The following CCDC80 variants were observed in gnomAD, a reference collection of about 807,000 sequenced individuals.
CCDC80 encodes coiled-coil domain containing 80.
In CCDC80, 49 loss-of-function variants were observed where a neutral mutation model predicts 78.7. The ratio of observed to expected loss-of-function variants is 0.62; its 90% CI spans 0.50 to 0.79. The LOEUF is 0.79. Among genes scored for constraint, CCDC80 ranks in the 30% least tolerant of loss-of-function variants. The pLI, the probability that CCDC80 is intolerant of heterozygous loss-of-function variation, is 0.00. For missense variants in CCDC80, 1,205 were observed against 1,198.6 expected, an observed-to-expected ratio of 1.01 and a Z score of -0.08; for synonymous variants, 488 against 447.0, an observed-to-expected ratio of 1.09 and a Z score of -1.16.
At chr3:112,630,888 T>C (rs1304611984) in intron 2 of CCDC80, among the ~76,000 whole-genome samples, 2 of 152,162 alleles carry the variant, frequency 1.3e-5, no homozygotes, top group African/African-American at 2.4e-5. Context: ...TGTTTGTCTT[T>C]TGATATTGCA....
At chr3:112,608,317 G>T (rs1935554089) in intron 6 of CCDC80, among the ~76,000 whole-genome samples, 1 of 152,180 alleles carries the variant, frequency 6.6e-6, no homozygotes. Flanking sequence ...TACTTCTAAG[G>T]AGAAGCTAAA....
chr3:112,605,490 T>G lies in CCDC80; in HGVS notation c.2780A>C (p.His927Pro), dbSNP rs1379901866. 1.2e-6 allele frequency: 2 copies of G among 1,614,198 alleles called. 1 individual carries two copies. The highest frequency in any genetic ancestry group is 2.2e-5 in the South Asian group (2 of 91,084). Residue 927 changes from histidine to proline, a missense_variant, in exon 8 of 8, where the codon CAC becomes CCC. His to Pro is a moderately conservative substitution (Grantham distance 77). Transcript: ENST00000206423. ...CTGGTAACCATCCTGGTATCCTTGG[T>G]GGTAACTATGGTAACCATAGCCTGC... ...EYAGYGYHSY[H>P]QGYQDGYQDD...
Position 112,638,030 on chromosome 3 carries a change from G to A in CCDC80, c.1876C>T (p.Leu626Phe), listed in dbSNP as rs368208153. The A allele has an allele frequency of 1.3e-6, 2 of 1,596,930 alleles. No homozygotes were observed. The highest frequency in any genetic ancestry group is 2.7e-5 in the African/African-American group (2 of 73,610). The change falls in exon 2 of 8, where the codon CTT becomes TTT. Residue 626 changes from leucine to phenylalanine, a missense_variant and splice_region_variant. Coordinates refer to ENST00000206423, the MANE Select transcript of CCDC80 (RefSeq NM_199511.3). ...LGSFEGKRRL[L>F]LITAPKAENN... ...ATGCCAAGGAGAAGGCTACTTACAA[G>A]GAGTCTTCGTTTGCCTTCAAAGGAC...
Position 112,638,548 on chromosome 3 carries a change from G to A in CCDC80, c.1358C>T (p.Pro453Leu). 1 of 1,614,086 alleles carries A rather than the reference G, an allele frequency of 6.2e-7. No individual in the cohort carries two copies. The highest frequency in any genetic ancestry group is 1.1e-5 in the South Asian group (1 of 91,052). The change falls in exon 2 of 8, where the codon CCC becomes CTC. Residue 453 changes from proline to leucine, a missense_variant. By Grantham distance (98) the Pro-to-Leu change is moderately conservative. Coordinates refer to ENST00000206423, the MANE Select transcript of CCDC80 (RefSeq NM_199511.3). ...GCCTGGGCCAGCAGCCCTTGTGCTG[G>A]GTTCTGAGATGGTGGTGGGAGGGGC... ...TNAPPTTISEPSTRAAGPGRF... is the reference protein window; with the variant it reads ...TNAPPTTISELSTRAAGPGRF...
intron 3 of CCDC80, among the ~76,000 whole-genome samples, chr3:112,623,089 A>G (rs1456115432): frequency 6.6e-6 from 1 of 152,142 alleles, no homozygotes; most frequent in Admixed American, 6.5e-5. Context: ...AAGATTATTG[A>G]GGTGAGGGAT....
chr3:112,616,603 A>T, intron 5 of CCDC80, 107 bp downstream of exon 5: 1 of 1,299,472 alleles, frequency 7.7e-7, no homozygotes, highest in South Asian at 1.4e-5. Flanking sequence ...TCCAAGGAGG[A>T]TTACTCTCTG....
rs1429629164 is a variant in CCDC80 at position 112,601,146 on chromosome 3, G to T, written c.*4271C>A. The T allele has an allele frequency of 1.3e-5, 2 of 152,094 alleles. No individual in the cohort carries two copies. Among genetic ancestry groups the T allele is most frequent in the Admixed American group, 1.3e-4 (2 of 15,272 alleles). The allele number at this position is 152,094 out of a possible 1,614,324, so 9.4% of individuals were successfully genotyped here. ...ACCTGTAAAACAAGGAAGAATGAAT[G>T]GTCTTTATGGAAAATGAATGGCAGA... On this transcript the variant is annotated 3_prime_UTR_variant, in exon 8 of 8. Transcript: ENST00000206423.
rs529506518 is a variant in CCDC80 at position 112,602,302 on chromosome 3, G to T, written c.*3115C>A. ...TTCTCCTTCTTCTCAGGCCTCCTTA[G>T]TCCCTGAGACACAATATTGAAAGTA... On this transcript the variant is annotated 3_prime_UTR_variant, in exon 8 of 8. Transcript: ENST00000206423. The T allele has an allele frequency of 1.9e-4, 29 of 152,172 alleles. No individual in the cohort carries two copies. The highest frequency in any genetic ancestry group is 6.7e-4 in the African/African-American group (28 of 41,506). 9.4% of individuals were successfully genotyped at this position (152,172 alleles called of 1,614,324 possible).
At chr3:112,611,239 C>T (rs961870225) in intron 5 of CCDC80, among the ~76,000 whole-genome samples, 1 of 152,092 alleles carries the variant, frequency 6.6e-6, no homozygotes, top group Non-Finnish European at 1.5e-5. Context: ...TCAAAAACAG[C>T]AGTATGTTGT....
chr3:112,610,324 G>A, intron 5 of CCDC80: 1 of 501,602 alleles, frequency 2.0e-6, no homozygotes, highest in Non-Finnish European at 3.6e-6. Flanking sequence ...TCAAGCATGA[G>A]TCTGTGGTCA....
intron 3 of CCDC80, among the ~76,000 whole-genome samples, chr3:112,628,760 A>G (rs1936031541): frequency 6.6e-6 from 1 of 151,858 alleles, no homozygotes; most frequent in East Asian, 1.9e-4. Context: ...AATGTCTAAA[A>G]ATAAATCATC....
intron 2 of CCDC80, among the ~76,000 whole-genome samples, chr3:112,633,314 C>G (rs1393331485): frequency 6.6e-6 from 1 of 152,088 alleles, no homozygotes; most frequent in Non-Finnish European, 1.5e-5. Flanking sequence ...GAAACCTGCC[C>G]CCGCCCTTCT....
At chr3:112,619,780 G>T (rs1430525144) in intron 3 of CCDC80, among the ~76,000 whole-genome samples, 1 of 152,110 alleles carries the variant, frequency 6.6e-6, no homozygotes, top group Non-Finnish European at 1.5e-5. Context: ...AATTCAGAAT[G>T]GTTCCAGAAG....
chr3:112,639,872 G>A lies in CCDC80; in HGVS notation c.34C>T (p.Leu12=). 6.2e-7 allele frequency: 1 copy of A among 1,614,184 alleles called. No homozygotes were observed. The highest frequency in any genetic ancestry group is 8.5e-7 in the Non-Finnish European group (1 of 1,180,026). The change falls in exon 2 of 8, where the codon CTG becomes TTG. Residue 12 remains leucine (L), a synonymous_variant. Transcript: ENST00000206423. ...CCACACACTAGCCACATGGCCAACA[G>A]CATAGTGAAACGGGGTCCCATTCTC... ...TWRMGPRFTM[L]LAMWLVCGSE... is the part of the protein sequence containing the mutation.
chr3:112,634,571 G>T (rs1936167988), intron 2 of CCDC80, among the ~76,000 whole-genome samples: 1 of 152,190 alleles, frequency 6.6e-6, no homozygotes, highest in African/African-American at 2.4e-5. Flanking sequence ...GAAAGCCAGA[G>T]AATTGAGTGC....
chr3:112,607,495 G>C (rs1040422111), intron 6 of CCDC80, among the ~76,000 whole-genome samples: 1 of 152,164 alleles, frequency 6.6e-6, no homozygotes, highest in Non-Finnish European at 1.5e-5. Flanking sequence ...GAAAAGAAAA[G>C]ATGAAGCCAT....
rs1261563445 is a variant in CCDC80, at chr3:112,605,480, G to A, written c.2790C>T (p.Tyr930=). ...GYGYHSYHQG[Y]QDGYQDDYRH... Reference sequence around the variant, plus strand: ...GGTAGTCATCCTGGTAACCATCCTGGTATCCTTGGTGGTAACTATGGTAAC... The same window carrying A: ...GGTAGTCATCCTGGTAACCATCCTGATATCCTTGGTGGTAACTATGGTAAC... Residue 930 remains tyrosine, a synonymous_variant, in exon 8 of 8, where the codon TAC becomes TAT. Transcript: ENST00000206423. 3 of 1,614,108 alleles carry A rather than the reference G, an allele frequency of 1.9e-6. No individual in the cohort carries two copies. Among genetic ancestry groups the A allele is most frequent in the Non-Finnish European group, 1.7e-6 (2 of 1,179,980 alleles).
intron 2 of CCDC80, among the ~76,000 whole-genome samples, chr3:112,632,829 G>C (rs16859871): frequency 1.2e-4 from 19 of 152,110 alleles, no homozygotes; most frequent in Admixed American, 9.8e-4. Flanking sequence ...TCTAACTTCC[G>C]GCCCTCCACG....
In CCDC80 at chr3:112,619,089, A is replaced by G. The variant is rs1322711417; in HGVS notation, c.2051T>C (p.Met684Thr). 1 of 1,594,388 alleles carries G rather than the reference A, an allele frequency of 6.3e-7. No individual in the cohort carries two copies. The highest frequency in any genetic ancestry group is 2.2e-5 in the East Asian group (1 of 44,590). Residue 684 changes from methionine (M) to threonine (T), a missense_variant, in exon 4 of 8, where the codon ATG becomes ACG. Met to Thr is a moderately conservative substitution (Grantham distance 81). Coordinates refer to ENST00000206423, the MANE Select transcript of CCDC80 (RefSeq NM_199511.3). ...CAAGTCTTCATCATCCACCACTCGC[A>G]TGGGCTTCTCATTATCTTAAGGGAA... ...DHFQLDNEKP[M>T]RVVDDEDLVD...
Sources: gnomAD v4.1 joint callset for allele counts (sites outside exome capture counted in the v4.1 genomes callset) on GRCh38, gnomAD v4.1.1 for gene constraint, MANE v1.5 for transcripts, NCBI Gene and HGNC (gene_info 2026-07-23, HGNC 2026-07-21) for gene names.